The following ESR1 variants were observed in gnomAD, a reference collection of about 807,000 sequenced individuals.
The protein encoded by ESR1 is estrogen receptor.
A neutral mutation model predicts 52.7 loss-of-function variants in ESR1; 12 were observed. The observed-to-expected ratio is 0.23, with a 90% confidence interval of 0.15 to 0.37. The LOEUF (loss-of-function observed/expected upper bound fraction) is 0.37. ESR1 is among the 10% of genes least tolerant of loss of function. The pLI is 1.00. For synonymous variants in ESR1, 305 were observed against 316.8 expected (o/e 0.96, Z 0.39); for missense variants, 584 against 779.7 (o/e 0.75, Z 2.99).
At chr6:151,706,480 C>G (rs932247719) in intron 2 of ESR1, among the ~76,000 whole-genome samples, 1 of 152,116 alleles carries the variant, frequency 6.6e-6, no homozygotes, top group Admixed American at 6.5e-5. Context: ...CAAGGCCATC[C>G]CAGGGCGGGG....
intron 1 of ESR1, among the ~76,000 whole-genome samples, chr6:151,669,913 G>A (rs188341780): frequency 2.6e-5 from 4 of 152,114 alleles, no homozygotes; most frequent in African/African-American, 9.7e-5. Flanking sequence ...GGGAAGAAAT[G>A]GAAGACACGG....
intron 2 of ESR1, among the ~76,000 whole-genome samples, chr6:151,782,103 C>T (rs1052116264): frequency 3.3e-5 from 5 of 152,154 alleles, no homozygotes; most frequent in African/African-American, 1.2e-4. Context: ...AGTTCAAATC[C>T]TTAGTTTTAA....
At chr6:151,820,238 A>G (rs1780343807) in intron 1 of ESR1, among the ~76,000 whole-genome samples, 1 of 152,164 alleles carries the variant, frequency 6.6e-6, no homozygotes, top group South Asian at 2.1e-4. Flanking sequence ...ACTGAGTGGT[A>G]CTCTTCAGAG....
At chr6:151,907,360 G>A (rs1446919213) in intron 3 of ESR1, among the ~76,000 whole-genome samples, 2 of 151,632 alleles carry the variant, frequency 1.3e-5, no homozygotes, top group Non-Finnish European at 1.5e-5. Context: ...TTTATTTTAG[G>A]TCTTTTTGAA....
intron 2 of ESR1, among the ~76,000 whole-genome samples, chr6:151,867,230 A>G (rs1790074576): frequency 6.6e-6 from 1 of 152,204 alleles, no homozygotes; most frequent in African/African-American, 2.4e-5. Flanking sequence ...CTAAAATACC[A>G]AAAGCAATGG....
At chr6:151,743,006 A>G (rs1391759008) in intron 2 of ESR1, among the ~76,000 whole-genome samples, 1 of 152,204 alleles carries the variant, frequency 6.6e-6, no homozygotes, top group African/African-American at 2.4e-5. Flanking sequence ...GAGGCTTATT[A>G]AAATTGCAGA....
At chr6:151,694,254 G>A (rs1027250757) in intron 1 of ESR1, among the ~76,000 whole-genome samples, 2 of 152,106 alleles carry the variant, frequency 1.3e-5, no homozygotes, top group Non-Finnish European at 2.9e-5. Context: ...CATGCTTTTA[G>A]CCATTACTTG....
chr6:151,949,397 C>T lies in ESR1; in HGVS notation c.1096+4889C>T, dbSNP rs149203580. Among the ~76,000 whole-genome samples, 5 of 152,288 alleles carry T rather than the reference C, an allele frequency of 3.3e-5. No individual in the cohort carries two copies. In the East Asian group the frequency reaches 9.7e-4, roughly 29 times the overall value. ...GATTTCAGAGATTTAGCAGGGCTTC[C>T]CAGCACTCTGCTTCCCAACCTGTCA... On this transcript the variant is annotated intron_variant, in intron 4 of 7. Coordinates refer to ENST00000206249, the MANE Select transcript of ESR1 (RefSeq NM_000125.4).
chr6:152,036,374 AAAAC>A (rs1377510434), intron 5 of ESR1, among the ~76,000 whole-genome samples: 14 of 152,214 alleles, frequency 9.2e-5, no homozygotes, highest in Non-Finnish European at 2.1e-4. Context: ...AACAAAAACA[AAAAC>A]AAAATCAAAA....
chr6:151,923,582 T>G (rs919983833), intron 3 of ESR1, among the ~76,000 whole-genome samples: 3 of 152,206 alleles, frequency 2.0e-5, no homozygotes, highest in African/African-American at 7.2e-5. Context: ...TCATACAATA[T>G]GTAGCTTTTT....
chr6:152,018,534 T>C (rs2128807285), intron 5 of ESR1, among the ~76,000 whole-genome samples: 1 of 152,024 alleles, frequency 6.6e-6, no homozygotes, highest in South Asian at 2.1e-4. Context: ...TTCTCCCCTC[T>C]GAAAAATGGG....
At chr6:151,706,268 T>C (rs1287179493) in intron 2 of ESR1, among the ~76,000 whole-genome samples, 2 of 152,238 alleles carry the variant, frequency 1.3e-5, no homozygotes, top group African/African-American at 4.8e-5. Context: ...TAGCTGAGTA[T>C]TGAAAAGCTC....
At chr6:151,792,845 TA>T (rs1393015865) in intron 2 of ESR1, among the ~76,000 whole-genome samples, 1 of 152,230 alleles carries the variant, frequency 6.6e-6, no homozygotes, top group Admixed American at 6.5e-5. Flanking sequence ...TTTACATCCT[TA>T]TTCTATAAGC....
chr6:151,695,369 AG>A (rs1779258379), intron 1 of ESR1, among the ~76,000 whole-genome samples: 1 of 152,214 alleles, frequency 6.6e-6, no homozygotes, highest in South Asian at 2.1e-4. Context: ...AATCACAAGG[AG>A]GCAGAGACAG....
At chr6:151,786,891 C>T (rs1787082006) in intron 2 of ESR1, among the ~76,000 whole-genome samples, 1 of 152,128 alleles carries the variant, frequency 6.6e-6, no homozygotes, top group African/African-American at 2.4e-5. Flanking sequence ...CTCACTGCAA[C>T]CTCCGCCTCC....
intron 1 of ESR1, among the ~76,000 whole-genome samples, chr6:151,658,469 G>A (rs1386507472): frequency 1.3e-5 from 2 of 152,140 alleles, no homozygotes; most frequent in Admixed American, 1.3e-4. Context: ...AATAAAAATA[G>A]TTGATTCCCA....
intron 2 of ESR1, among the ~76,000 whole-genome samples, chr6:151,736,695 G>C (rs1782707720): frequency 6.6e-6 from 1 of 151,980 alleles, no homozygotes; most frequent in South Asian, 2.1e-4. Flanking sequence ...GTGTTCTAAG[G>C]GGCATGCTTC....
intron 2 of ESR1, among the ~76,000 whole-genome samples, chr6:151,733,973 G>C (rs1782449278): frequency 6.6e-6 from 1 of 152,218 alleles, no homozygotes; most frequent in Non-Finnish European, 1.5e-5. Context: ...ATATTCACTT[G>C]GGATAATTGG....
chr6:151,735,556 T>C (rs1782578891), intron 2 of ESR1, among the ~76,000 whole-genome samples: 1 of 151,936 alleles, frequency 6.6e-6, no homozygotes, highest in African/African-American at 2.4e-5. Context: ...TACTTGGTTG[T>C]TTGTTTTTGT....
Sources: gnomAD v4.1 joint callset for allele counts (sites outside exome capture counted in the v4.1 genomes callset) on GRCh38, gnomAD v4.1.1 for gene constraint, MANE v1.5 for transcripts, NCBI Gene and HGNC (gene_info 2026-07-23, HGNC 2026-07-21) for gene names.